The following MACROD2 variants were observed in gnomAD, a reference collection of about 807,000 sequenced individuals.
MACROD2 encodes the protein mono-ADP ribosylhydrolase 2, also known as ADP-ribose glycohydrolase MACROD2.
In MACROD2, 36 loss-of-function variants were observed where a neutral mutation model predicts 70.4. The ratio of observed to expected loss-of-function variants is 0.51; its 90% CI spans 0.39 to 0.68. The LOEUF is 0.68. MACROD2 is among the 30% of genes least tolerant of loss of function. The pLI, the probability that MACROD2 is intolerant of heterozygous loss-of-function variation, is 0.00. For synonymous variants in MACROD2, 172 were observed against 178.8 expected, an observed-to-expected ratio of 0.96 and a Z score of 0.30; for missense variants, 496 against 538.4, an observed-to-expected ratio of 0.92 and a Z score of 0.78.
At chr20:14,369,067 C>A (rs879431147) in intron 3 of MACROD2, among the ~76,000 whole-genome samples, 1 of 152,112 alleles carries the variant, frequency 6.6e-6, no homozygotes, top group Admixed American at 6.5e-5. Flanking sequence ...TGTCCTATTT[C>A]CCAAGGAAAC....
At chr20:15,145,348 GA>G (rs1259565270) in intron 5 of MACROD2, among the ~76,000 whole-genome samples, 4 of 151,946 alleles carry the variant, frequency 2.6e-5, no homozygotes, top group African/African-American at 9.7e-5. Context: ...AGGGAGTAGA[GA>G]AAAAATGAAT....
chr20:14,575,538 A>T (rs549765553), intron 4 of MACROD2, among the ~76,000 whole-genome samples: 1 of 152,336 alleles, frequency 6.6e-6, no homozygotes, highest in Non-Finnish European at 1.5e-5. Context: ...CCTGGACCAC[A>T]TGTTAGAAAT....
At chr20:15,969,590 C>G (rs950898425) in intron 13 of MACROD2, among the ~76,000 whole-genome samples, 3 of 151,988 alleles carry the variant, frequency 2.0e-5, no homozygotes, top group African/African-American at 7.3e-5. Flanking sequence ...ATATTAGACA[C>G]AGCCGAAAGA....
intron 4 of MACROD2, among the ~76,000 whole-genome samples, chr20:14,513,236 T>C (rs2085050674): frequency 1.3e-5 from 2 of 152,242 alleles, no homozygotes; most frequent in East Asian, 1.9e-4. Flanking sequence ...TTTAAAGTTA[T>C]CTTAGAGACT....
intron 5 of MACROD2, among the ~76,000 whole-genome samples, chr20:14,843,742 T>C (rs1293967542): frequency 6.6e-6 from 1 of 152,180 alleles, no homozygotes; most frequent in Non-Finnish European, 1.5e-5. Flanking sequence ...ACTTTATTTC[T>C]TACATTTGGC....
At chr20:14,288,595 G>A (rs1258841472) in intron 3 of MACROD2, among the ~76,000 whole-genome samples, 1 of 152,104 alleles carries the variant, frequency 6.6e-6, no homozygotes, top group East Asian at 1.9e-4. Context: ...ATGAGGAAAA[G>A]TTCACTTCTT....
rs2048644238 is a variant in MACROD2, at chr20:15,589,174, T to G, written c.645+89327T>G. On this transcript the variant is annotated intron_variant, in intron 8 of 17. Coordinates refer to ENST00000684519, the MANE Select transcript of MACROD2 (RefSeq NM_001351661.2). ...AAAGCAGAAACCCCTAATAAAACCA[T>G]CAGATCTCCTGAGACTTATTCACTA... Among the ~76,000 whole-genome samples the G allele has an allele frequency of 2.0e-5, 3 of 152,132 alleles. No homozygotes were observed. The South Asian group carries it at 6.2e-4, about 32-fold the overall frequency.
intron 5 of MACROD2, among the ~76,000 whole-genome samples, chr20:15,095,064 C>CTTTTTTTT (rs373794823): frequency 5.6e-5 from 5 of 89,212 alleles, no homozygotes; most frequent in East Asian, 2.9e-4. Context: ...GTCTCCTCTT[C>CTTTTTTTT]TTTTTTTTTT....
chr20:15,385,822 G>A (rs1351645079), intron 6 of MACROD2, among the ~76,000 whole-genome samples: 1 of 152,116 alleles, frequency 6.6e-6, no homozygotes, highest in Non-Finnish European at 1.5e-5. Context: ...ATTTATTTAA[G>A]TAAACTTTCA....
chr20:15,100,577 C>G (rs566366956), intron 5 of MACROD2, among the ~76,000 whole-genome samples: 2 of 152,280 alleles, frequency 1.3e-5, no homozygotes, highest in East Asian at 3.9e-4. Flanking sequence ...ATCTCTGTAG[C>G]TAAAATTCTT....
chr20:15,765,904 A>G (rs1275836141), intron 8 of MACROD2, among the ~76,000 whole-genome samples: 2 of 129,438 alleles, frequency 1.5e-5, no homozygotes, highest in African/African-American at 6.2e-5. Flanking sequence ...ATTAATGCAT[A>G]TACTTTTTGT....
chr20:15,212,053 G>C (rs1425346909), intron 5 of MACROD2, among the ~76,000 whole-genome samples: 2 of 152,140 alleles, frequency 1.3e-5, no homozygotes, highest in Non-Finnish European at 2.9e-5. Flanking sequence ...CCTTCCTAAT[G>C]AGTGTGAAAT....
chr20:15,959,932 G>T (rs1372448938), intron 12 of MACROD2, among the ~76,000 whole-genome samples: 1 of 152,144 alleles, frequency 6.6e-6, no homozygotes, highest in Non-Finnish European at 1.5e-5. Flanking sequence ...GAACCACAAA[G>T]TGAGTTAGAC....
chr20:14,829,932 A>G (rs2072945796), intron 5 of MACROD2, among the ~76,000 whole-genome samples: 1 of 152,148 alleles, frequency 6.6e-6, no homozygotes, highest in Middle Eastern at 3.2e-3. Flanking sequence ...TACATTGATA[A>G]TTTATTATGA....
intron 3 of MACROD2, among the ~76,000 whole-genome samples, chr20:14,384,989 C>T (rs2083456002): frequency 6.6e-6 from 1 of 152,070 alleles, no homozygotes; most frequent in African/African-American, 2.4e-5. Context: ...TTTATGTAAT[C>T]CCACCCCTCT....
intron 3 of MACROD2, among the ~76,000 whole-genome samples, chr20:14,360,992 C>G (rs897989373): frequency 6.6e-6 from 1 of 152,158 alleles, no homozygotes; most frequent in South Asian, 2.1e-4. Context: ...GGCTTCCTAG[C>G]TTTTCCTTGA....
intron 2 of MACROD2, among the ~76,000 whole-genome samples, chr20:14,014,652 T>A (rs1036145955): frequency 5.9e-5 from 9 of 152,190 alleles, no homozygotes; most frequent in Admixed American, 5.2e-4. Flanking sequence ...TGCCATTTTT[T>A]CCTCCTGCAG....
At chr20:14,417,086 TATCTATC>T (rs2083817639) in intron 3 of MACROD2, among the ~76,000 whole-genome samples, 1 of 146,416 alleles carries the variant, frequency 6.8e-6, no homozygotes, top group Non-Finnish European at 1.5e-5. Flanking sequence ...TCTATCTATC[TATCTATC>T]TATCTATCTA....
chr20:14,592,984 A>T (rs902659156), intron 4 of MACROD2, among the ~76,000 whole-genome samples: 3 of 152,164 alleles, frequency 2.0e-5, no homozygotes, highest in Non-Finnish European at 2.9e-5. Flanking sequence ...AGTCTACATT[A>T]GGCCTCAAAA....
Sources: gnomAD v4.1 joint callset for allele counts (sites outside exome capture counted in the v4.1 genomes callset) on GRCh38, gnomAD v4.1.1 for gene constraint, MANE v1.5 for transcripts, NCBI Gene and HGNC (gene_info 2026-07-23, HGNC 2026-07-21) for gene names.